Variants in SGCD observed in about 807,000 individuals in gnomAD.
The protein encoded by SGCD is delta-sarcoglycan.
In SGCD, 18 loss-of-function variants were observed where a neutral mutation model predicts 36.6. The observed-to-expected ratio is 0.49, with a 90% confidence interval of 0.34 to 0.73. The LOEUF is 0.73. Among genes scored for constraint, SGCD ranks in the 30% least tolerant of loss-of-function variants. The probability of loss-of-function intolerance (pLI) is 0.01; values close to 1 mark genes in which losing one functional copy is unlikely to be tolerated. For synonymous variants in SGCD, 133 were observed against 130.6 expected (o/e 1.02, Z -0.12); for missense variants, 387 against 346.7 (o/e 1.12, Z -0.92).
chr5:155,761,516 T>C, the SGCD span, among the ~76,000 whole-genome samples: 1 of 134,536 alleles, frequency 7.4e-6, no homozygotes, highest in Non-Finnish European at 1.6e-5. Flanking sequence ...CATCACCCTC[T>C]CCATCATCAT....
intron 1 of SGCD, among the ~76,000 whole-genome samples, chr5:155,917,723 C>A (rs1175959104): frequency 6.6e-6 from 1 of 152,136 alleles, no homozygotes; most frequent in African/African-American, 2.4e-5. Context: ...AGCAGAGAAC[C>A]CACTCTAGTG....
At chr5:156,619,437 C>A (rs1302754018) in intron 6 of SGCD, among the ~76,000 whole-genome samples, 2 of 152,208 alleles carry the variant, frequency 1.3e-5, no homozygotes, top group Non-Finnish European at 2.9e-5. Context: ...TGTTTTCAAG[C>A]ATCTGTTGGC....
At chr5:156,008,655 C>A (rs1181960069) in intron 1 of SGCD, among the ~76,000 whole-genome samples, 1 of 152,192 alleles carries the variant, frequency 6.6e-6, no homozygotes, top group African/African-American at 2.4e-5. Context: ...GGTTTACAGG[C>A]ATGAACCATG....
At chr5:155,780,489 C>T in the SGCD span, among the ~76,000 whole-genome samples, 1 of 152,150 alleles carries the variant, frequency 6.6e-6, no homozygotes, top group African/African-American at 2.4e-5. Context: ...TCCCCTGCTG[C>T]AGTATAAATG....
chr5:156,329,126 A>G (rs1195739538), intron 1 of SGCD, among the ~76,000 whole-genome samples: 4 of 152,180 alleles, frequency 2.6e-5, no homozygotes, highest in Non-Finnish European at 5.9e-5. Flanking sequence ...CTCTCTTGAC[A>G]TCTGAAGAGA....
Position 156,528,581 on chromosome 5 carries a change from T to C in SGCD, c.294+19879T>C, listed in dbSNP as rs150907133. On this transcript the variant is annotated intron_variant, in intron 4 of 8. Transcript: ENST00000337851. ...TTATACATTTATTAATTATCTGTAT[T>C]AGCTACATACTAAGTATTCAACTAT... is the stretch of plus-strand genomic sequence containing the variant. 2.4e-4 allele frequency among the ~76,000 whole-genome samples: 36 copies of C among 152,306 alleles called. No homozygotes were observed. In the East Asian group the frequency reaches 6.8e-3, roughly 29 times the overall value.
At chr5:155,741,687 C>CTTTT in the SGCD span, among the ~76,000 whole-genome samples, 4 of 132,270 alleles carry the variant, frequency 3.0e-5, no homozygotes, top group Non-Finnish European at 4.8e-5. Flanking sequence ...CTTTTCTTTT[C>CTTTT]TTTTTTTTTT....
intron 1 of SGCD, among the ~76,000 whole-genome samples, chr5:156,022,110 A>G (rs1240069456): frequency 1.3e-5 from 2 of 152,186 alleles, no homozygotes; most frequent in Non-Finnish European, 2.9e-5. Context: ...AACATTTCAT[A>G]TAAATAGTAT....
chr5:156,061,059 TA>T lies in SGCD; in HGVS notation c.-281-56811del, dbSNP rs1003728390. ...CATTCCTGAAAATGGCAGCTATTGTTAAAAAAAATAAAAATCTATTCAAGAC... is the reference window on the plus strand; with the variant it reads ...CATTCCTGAAAATGGCAGCTATTGTTAAAAAAATAAAAATCTATTCAAGAC... On this transcript the variant is annotated intron_variant, in intron 1 of 9. Coordinates refer to the SGCD transcript ENST00000517913. 1.0e-4 allele frequency among the ~76,000 whole-genome samples: 15 copies of T among 144,962 alleles called. 1 individual carries two copies. The highest frequency in any genetic ancestry group is 3.0e-4 in the African/African-American group (12 of 40,492).
At chr5:156,752,673 C>T (rs373513984) in intron 7 of SGCD, among the ~76,000 whole-genome samples, 12 of 152,130 alleles carry the variant, frequency 7.9e-5, no homozygotes, top group East Asian at 7.7e-4. Context: ...GGATTCCAGG[C>T]GTGAGCTACC....
At chr5:156,215,548 A>T (rs1385681581) in intron 3 of SGCD, among the ~76,000 whole-genome samples, 1 of 152,176 alleles carries the variant, frequency 6.6e-6, no homozygotes, top group African/African-American at 2.4e-5. Context: ...TTAAAAGAAG[A>T]CATACAATAG....
intron 7 of SGCD, among the ~76,000 whole-genome samples, chr5:156,728,635 A>G (rs1291397576): frequency 8.6e-5 from 13 of 151,712 alleles, no homozygotes; most frequent in Admixed American, 8.5e-4. Flanking sequence ...TTTTTAAAAT[A>G]GTGGCTAACA....
intron 4 of SGCD, among the ~76,000 whole-genome samples, chr5:156,583,390 C>G (rs527331730): frequency 6.6e-6 from 1 of 152,318 alleles, no homozygotes; most frequent in South Asian, 2.1e-4. Flanking sequence ...TGCCTCCTTT[C>G]TCATTCCCAA....
At chr5:156,068,438 C>T (rs1289994398) in intron 1 of SGCD, among the ~76,000 whole-genome samples, 3 of 152,006 alleles carry the variant, frequency 2.0e-5, no homozygotes, top group Admixed American at 2.0e-4. Flanking sequence ...CATGTCCCTA[C>T]AAAGGACATG....
At chr5:155,877,621 G>A (rs1243807676) in intron 1 of SGCD, among the ~76,000 whole-genome samples, 2 of 152,046 alleles carry the variant, frequency 1.3e-5, no homozygotes, top group East Asian at 3.9e-4. Context: ...AGCTTAAATG[G>A]TGAAGTTTCT....
chr5:156,569,154 TG>T (rs1339329418), intron 4 of SGCD, among the ~76,000 whole-genome samples: 3 of 152,194 alleles, frequency 2.0e-5, no homozygotes, highest in South Asian at 2.1e-4. Context: ...GAACTCATAT[TG>T]GCTTTGATAT....
At chr5:156,451,693 T>A (rs1353337706) in intron 3 of SGCD, among the ~76,000 whole-genome samples, 1 of 152,162 alleles carries the variant, frequency 6.6e-6, no homozygotes, top group Non-Finnish European at 1.5e-5. Context: ...CCTTACTCAG[T>A]GAACTGCTGA....
At chr5:156,739,600 A>T (rs1756560923) in intron 7 of SGCD, 1 of 151,168 alleles carries the variant, frequency 6.6e-6, no homozygotes, top group Non-Finnish European at 1.5e-5. Flanking sequence ...CAGCCTGGAT[A>T]AAAAAACTTC....
intron 7 of SGCD, among the ~76,000 whole-genome samples, chr5:156,651,612 T>C (rs1763464507): frequency 6.6e-6 from 1 of 152,144 alleles, no homozygotes; most frequent in Non-Finnish European, 1.5e-5. Context: ...TAGCTATAGG[T>C]ATGAGACTAT....
Sources: gnomAD v4.1 joint callset for allele counts (sites outside exome capture counted in the v4.1 genomes callset) on GRCh38, gnomAD v4.1.1 for gene constraint, MANE v1.5 for transcripts, NCBI Gene and HGNC (gene_info 2026-07-23, HGNC 2026-07-21) for gene names.